The following FAM81A variants were observed in gnomAD, a reference collection of about 807,000 sequenced individuals.
FAM81A encodes the protein protein FAM81A.
Under a neutral mutation model 46.7 loss-of-function variants are expected in FAM81A, and 19 were observed. That is an observed-to-expected ratio of 0.41 (90% confidence interval 0.28 to 0.60). The LOEUF is 0.60. Among genes scored for constraint, FAM81A ranks in the 20% least tolerant of loss-of-function variants. FAM81A has a pLI of 0.34. For missense variants in FAM81A, 377 were observed against 453.5 expected (o/e 0.83, Z 1.53); for synonymous variants, 183 against 152.9 (o/e 1.20, Z -1.45).
rs956132996 is a variant in FAM81A, at chr15:59,516,655, A to C, written c.797A>C (p.Glu266Ala). The part of the protein sequence containing the change: ...LIVKENSGAS[E>A]RDMEKKLSQM... Reference sequence around the variant, plus strand: ...TATCATGGATCTCAGGGAGCCAGTGAAAGGGATATGGAGAAGAAGCTCAGC... The same window carrying C: ...TATCATGGATCTCAGGGAGCCAGTGCAAGGGATATGGAGAAGAAGCTCAGC... The change falls in exon 8 of 9, where the codon GAA becomes GCA. Residue 266 changes from glutamate to alanine, a missense_variant. Physicochemically the swap from Glu to Ala is moderately radical, Grantham distance 107. Coordinates refer to ENST00000288228, the MANE Select transcript of FAM81A (RefSeq NM_152450.3). 2 of 1,610,766 alleles carry C rather than the reference A, an allele frequency of 1.2e-6. No homozygotes were observed. The highest frequency in any genetic ancestry group is 2.7e-5 in the African/African-American group (2 of 74,748).
chr15:59,473,248 A>G (rs1002198119), intron 3 of FAM81A, among the ~76,000 whole-genome samples: 6 of 152,236 alleles, frequency 3.9e-5, no homozygotes, highest in Non-Finnish European at 7.3e-5. Context: ...GGAAAAATCC[A>G]TAAATAAGCA....
intron 1 of FAM81A, among the ~76,000 whole-genome samples, chr15:59,439,511 C>T (rs1298145659): frequency 2.0e-5 from 3 of 152,264 alleles, no homozygotes; most frequent in South Asian, 4.1e-4. Flanking sequence ...AAACTTCCCT[C>T]TTCCACGGAG....
chr15:59,433,024 C>G (rs1353640061), intron 2 of FAM81A, among the ~76,000 whole-genome samples: 1 of 150,432 alleles, frequency 6.6e-6, no homozygotes, highest in African/African-American at 2.4e-5. Context: ...TGCCTGTAGT[C>G]CCAGCTACTC....
chr15:59,424,608 C>A (rs545233672), intron 2 of FAM81A, among the ~76,000 whole-genome samples: 1 of 152,338 alleles, frequency 6.6e-6, no homozygotes, highest in African/African-American at 2.4e-5. Flanking sequence ...ATCTGCTTTT[C>A]CCACAGAGTT....
chr15:59,439,410 G>GC (rs1227369888), intron 1 of FAM81A, among the ~76,000 whole-genome samples: 1 of 151,864 alleles, frequency 6.6e-6, no homozygotes, highest in African/African-American at 2.4e-5. Flanking sequence ...GTGTGTGTTG[G>GC]GGGGGGCGGG....
At chr15:59,486,596 T>C (rs2081919608) in intron 3 of FAM81A, among the ~76,000 whole-genome samples, 1 of 152,074 alleles carries the variant, frequency 6.6e-6, no homozygotes, top group South Asian at 2.1e-4. Flanking sequence ...GAAGACCACC[T>C]CATGGCATTT....
intron 4 of FAM81A, among the ~76,000 whole-genome samples, chr15:59,505,959 C>G (rs2082144611): frequency 6.6e-6 from 1 of 152,110 alleles, no homozygotes; most frequent in Admixed American, 6.6e-5. Flanking sequence ...AAATGAATCT[C>G]CCAATATATT....
At chr15:59,476,133 A>G (rs1364812374) in intron 3 of FAM81A, among the ~76,000 whole-genome samples, 1 of 152,064 alleles carries the variant, frequency 6.6e-6, no homozygotes, top group Non-Finnish European at 1.5e-5. Flanking sequence ...TACTAATCCC[A>G]TTCGTGAAGA....
chr15:59,434,098 G>C (rs1265317975), upstream of FAM81A, among the ~76,000 whole-genome samples: 1 of 152,132 alleles, frequency 6.6e-6, no homozygotes, highest in Non-Finnish European at 1.5e-5. Flanking sequence ...CAAGCTATCT[G>C]CCCATCTAGG....
intron 3 of FAM81A, among the ~76,000 whole-genome samples, chr15:59,481,244 T>C (rs1358250033): frequency 2.0e-5 from 3 of 152,182 alleles, no homozygotes; most frequent in Non-Finnish European, 4.4e-5. Context: ...GCAATCCTCC[T>C]GCCTCGGTCT....
chr15:59,421,869 C>CTA (rs2081174832), intron 2 of FAM81A, among the ~76,000 whole-genome samples: 15 of 147,090 alleles, frequency 1.0e-4, no homozygotes, highest in African/African-American at 3.5e-4. Context: ...ACCCTCAACC[C>CTA]TCTATCTATC....
At chr15:59,463,101 G>T (rs1445430265) in intron 3 of FAM81A, among the ~76,000 whole-genome samples, 1 of 152,006 alleles carries the variant, frequency 6.6e-6, no homozygotes, top group South Asian at 2.1e-4. Context: ...TTAATTCAAG[G>T]TCACAAAGAT....
At position 59,458,658 on chromosome 15, in the gene FAM81A, C is replaced by T. The variant is rs763814141; in HGVS notation, c.20+12C>T. Reference sequence around the variant, plus strand: ...AATATGCATCTAAGGTATACTTTTCCTTTCCACTCATCCCATGGGGGCTGC... The same window carrying T: ...AATATGCATCTAAGGTATACTTTTCTTTTCCACTCATCCCATGGGGGCTGC... On this transcript the variant is annotated intron_variant, in intron 2 of 8. Coordinates refer to ENST00000288228, the MANE Select transcript of FAM81A (RefSeq NM_152450.3). 2 of 1,611,288 alleles carry T rather than the reference C, an allele frequency of 1.2e-6. No homozygotes were observed. Among genetic ancestry groups the T allele is most frequent in the Admixed American group, 3.3e-5 (2 of 60,016 alleles).
At chr15:59,499,009 G>A (rs2082063125) in intron 4 of FAM81A, among the ~76,000 whole-genome samples, 1 of 152,140 alleles carries the variant, frequency 6.6e-6, no homozygotes, top group African/African-American at 2.4e-5. Context: ...ATTAGGTTGA[G>A]AAAGATTTTC....
At chr15:59,428,620 C>T (rs1470357406) in intron 2 of FAM81A, among the ~76,000 whole-genome samples, 2 of 110,656 alleles carry the variant, frequency 1.8e-5, no homozygotes, top group African/African-American at 6.2e-5. Flanking sequence ...CATGTCTACT[C>T]CTTTTTTTTT....
intron 2 of FAM81A, among the ~76,000 whole-genome samples, chr15:59,417,762 G>A (rs1466373622): frequency 6.6e-6 from 1 of 151,828 alleles, no homozygotes; most frequent in Non-Finnish European, 1.5e-5. Flanking sequence ...TTTTTTGCTT[G>A]ATTATCCCTT....
intron 2 of FAM81A, among the ~76,000 whole-genome samples, chr15:59,415,260 A>G (rs181324493): frequency 1.3e-5 from 2 of 152,126 alleles, no homozygotes; most frequent in East Asian, 3.9e-4. Context: ...CTGGGATTAC[A>G]GGCATGTAAC....
chr15:59,497,272 C>A (rs1376428259), intron 4 of FAM81A, among the ~76,000 whole-genome samples: 7 of 151,878 alleles, frequency 4.6e-5, no homozygotes, highest in Admixed American at 3.9e-4. Flanking sequence ...ATGGTGAAAT[C>A]CCATCTCTAC....
intron 2 of FAM81A, among the ~76,000 whole-genome samples, chr15:59,431,367 T>G (rs1189211445): frequency 1.3e-5 from 2 of 152,162 alleles, no homozygotes; most frequent in African/African-American, 2.4e-5. Flanking sequence ...CCTGAGTAGC[T>G]GGGATTACAG....
Sources: allele counts gnomAD v4.1 joint callset (sites outside exome capture counted in the v4.1 genomes callset), GRCh38; gene constraint gnomAD v4.1.1; transcripts MANE v1.5; gene names NCBI Gene and HGNC (gene_info 2026-07-23, HGNC 2026-07-21).